CUBN: variants seen among roughly 807,000 people sequenced by gnomAD.
CUBN encodes the protein cubilin, also known as 460 kDa receptor.
In CUBN, 282 loss-of-function variants were observed where a neutral mutation model predicts 405.3. The ratio of observed to expected loss-of-function variants is 0.70; its 90% CI spans 0.63 to 0.77. The LOEUF (loss-of-function observed/expected upper bound fraction) is 0.77. Ranked by LOEUF, CUBN falls within the 30% of genes least tolerant of loss-of-function variation. The pLI is 0.00. For synonymous variants in CUBN, 1,684 were observed against 1,617.0 expected (o/e 1.04, Z -0.99); for missense variants, 4,514 against 4,475.2 (o/e 1.01, Z -0.25).
Position 16,839,094 on chromosome 10 carries a change from G to C in CUBN, c.10032+1236C>G, listed in dbSNP as rs146559233. ...CCACTAACTAGAGGTATTTCTCCAAGCATGGTCCATGGAGTTCTGGTACTG... is the reference window on the plus strand; with the variant it reads ...CCACTAACTAGAGGTATTTCTCCAACCATGGTCCATGGAGTTCTGGTACTG... On this transcript the variant is annotated intron_variant, in intron 62 of 66. Transcript: ENST00000377833. 3.5e-3 allele frequency among the ~76,000 whole-genome samples: 529 copies of C among 152,250 alleles called. 7 individuals carry two copies. Among genetic ancestry groups the C allele is most frequent in the African/African-American group, 0.012 (496 of 41,560 alleles).
chr10:16,926,918 A>G (rs1276715), intron 41 of CUBN, among the ~76,000 whole-genome samples: 111,339 of 151,298 alleles, frequency 0.74, 41,204 homozygotes, highest in East Asian at 0.94. Context: ...ATTTTAGTGC[A>G]CTGGTTCCCT....
chr10:16,853,322 A>G (rs1344158649), intron 59 of CUBN, among the ~76,000 whole-genome samples: 10 of 152,342 alleles, frequency 6.6e-5, no homozygotes, highest in African/African-American at 2.4e-4. Flanking sequence ...GCTAGTTCCA[A>G]AGTTAAACTT....
At chr10:17,119,602 G>C (rs1408714839) in intron 6 of CUBN, among the ~76,000 whole-genome samples, 5 of 152,142 alleles carry the variant, frequency 3.3e-5, no homozygotes, top group African/African-American at 1.2e-4. Context: ...AGAGGTTGCA[G>C]CAATTGCACT....
At chr10:16,892,016 T>C (rs1220035385) in intron 54 of CUBN, among the ~76,000 whole-genome samples, 1 of 152,174 alleles carries the variant, frequency 6.6e-6, no homozygotes, top group Admixed American at 6.5e-5. Context: ...AAATTACTCA[T>C]TCCAAACACA....
chr10:17,109,730 GGT>G lies in CUBN; in HGVS notation c.1019_1020del (p.Tyr340SerfsTer3). On this transcript the variant is annotated frameshift_variant, in exon 10 of 67. Coordinates refer to ENST00000377833, the MANE Select transcript of CUBN (RefSeq NM_001081.4). LOFTEE classifies it high-confidence loss of function. ...AGTGTGCACACTCTTCCGTCACCCT[GGT>G]ACCCTGATGAGAACAAGAGCCAGGT... ...SSHCQACPPGYQGDGRVCTLT... is the reference protein window; with the variant it reads ...SSHCQACPPGXQGDGRVCTLT... The G allele has an allele frequency of 6.2e-7, 1 of 1,613,178 alleles. No individual in the cohort carries two copies. The highest frequency in any genetic ancestry group is 8.5e-7 in the Non-Finnish European group (1 of 1,179,558).
At chr10:16,842,369 C>T (rs570446161) in intron 60 of CUBN, among the ~76,000 whole-genome samples, 14 of 152,258 alleles carry the variant, frequency 9.2e-5, no homozygotes, top group Admixed American at 3.9e-4. Flanking sequence ...AGTGTCTGCA[C>T]GTGAGAGGCT....
intron 27 of CUBN, among the ~76,000 whole-genome samples, chr10:17,038,535 C>T (rs1264371359): frequency 6.6e-6 from 1 of 152,180 alleles, no homozygotes; most frequent in African/African-American, 2.4e-5. Flanking sequence ...GTCTGACCAG[C>T]ACGTAATTAA....
intron 63 of CUBN, 140 bp downstream of exon 63, chr10:16,836,095 A>G (rs1839159792): frequency 4.9e-6 from 4 of 811,284 alleles, no homozygotes; most frequent in Non-Finnish European, 8.2e-6. Context: ...GCTGGGTTCT[A>G]GTTAAGAGAG....
intron 40 of CUBN, 39 bp from the exon 41 acceptor site, chr10:16,928,342 T>C (rs1842257629): frequency 6.2e-7 from 1 of 1,608,452 alleles, no homozygotes; most frequent in South Asian, 1.1e-5. Flanking sequence ...AAATACATCT[T>C]GAGAATCTAC....
intron 22 of CUBN, among the ~76,000 whole-genome samples, chr10:17,064,609 A>G (rs761791815): frequency 1.3e-5 from 2 of 152,148 alleles, no homozygotes; most frequent in Non-Finnish European, 2.9e-5. Flanking sequence ...CTTTAATACA[A>G]TGATGCAAAA....
At chr10:16,990,273 A>G in intron 29 of CUBN, 61 bp downstream of exon 29, 1 of 1,476,494 alleles carries the variant, frequency 6.8e-7, no homozygotes, top group Non-Finnish European at 9.5e-7. Context: ...ATCTTGGCAG[A>G]GTGATTTCCT....
intron 58 of CUBN, among the ~76,000 whole-genome samples, chr10:16,871,232 G>C (rs1202451950): frequency 6.6e-6 from 1 of 151,194 alleles, no homozygotes; most frequent in Non-Finnish European, 1.5e-5. Context: ...GTAGAGATGA[G>C]GTTTCTGCCA....
In CUBN at chr10:17,129,118, T is replaced by C. The variant is rs778422891; in HGVS notation, c.252+3A>G. ...TGACTTCAATATATTTCCAGTGTAT[T>C]ACCTGATGTAAACACTCACTGAGAT... is the stretch of plus-strand genomic sequence containing the variant. On this transcript the variant is annotated splice_donor_region_variant and intron_variant, in intron 2 of 66. Transcript: ENST00000377833. 1.2e-6 allele frequency: 2 copies of C among 1,610,036 alleles called. No homozygotes were observed. Among genetic ancestry groups the C allele is most frequent in the Non-Finnish European group, 1.7e-6 (2 of 1,176,530 alleles).
chr10:16,904,007 C>T lies in CUBN; in HGVS notation c.8021G>A (p.Arg2674His), dbSNP rs184746130. The change falls in exon 51 of 67, where the codon CGT (arginine) becomes CAT (histidine). Residue 2674 changes from arginine to histidine, a missense_variant. Around this residue, in one of 5 missense-constraint regions of CUBN, gnomAD observed 1,186 missense variants for 1,186.9 expected, o/e 1.00. Transcript: ENST00000377833. ...QVWIHFVTNE[R>H]VEHIGFHAKY... Reference sequence around the variant, plus strand: ...TGCATGGAATCCAATGTGTTCTACACGTTCGTTGGTGACAAAGTGAATCCA... The same window carrying T: ...TGCATGGAATCCAATGTGTTCTACATGTTCGTTGGTGACAAAGTGAATCCA... The T allele has an allele frequency of 4.3e-5, 69 of 1,613,232 alleles. No homozygotes were observed. The highest frequency in any genetic ancestry group is 2.8e-4 in the African/African-American group (21 of 75,006).
Position 16,939,218 on chromosome 10 carries a change from A to G in CUBN, c.5549-71T>C, listed in dbSNP as rs533075748. The G allele has an allele frequency of 7.3e-4, 901 of 1,226,154 alleles. 9 individuals are homozygous for G. Among genetic ancestry groups the G allele is most frequent in the South Asian group, 5.1e-3 (419 of 82,736 alleles). The allele number at this position is 1,226,154 out of a possible 1,614,324, so 76.0% of individuals were successfully genotyped here. A position where few individuals can be genotyped will look rare whatever the true frequency, so the allele number is the denominator to read the frequency against. ...TCTTTAATCAAATGAAAAAAACAAA[A>G]GGCAAAGGGTGTTGAAAAGGATGGA... On this transcript the variant is annotated intron_variant, in intron 37 of 66. Transcript: ENST00000377833.
chr10:17,036,505 C>G (rs765346253), intron 27 of CUBN, among the ~76,000 whole-genome samples: 1 of 152,088 alleles, frequency 6.6e-6, no homozygotes, highest in African/African-American at 2.4e-5. Context: ...AAGTAACCAG[C>G]CTGTCACATG....
chr10:16,945,767 CAAAAAA>C (rs61141075), intron 36 of CUBN, among the ~76,000 whole-genome samples: 1 of 81,386 alleles, frequency 1.2e-5, no homozygotes, highest in East Asian at 3.4e-4. Context: ...ACTGTGTCTC[CAAAAAA>C]AAAAAAAAAA....
At chr10:16,909,227 G>A (rs947894550) in intron 48 of CUBN, among the ~76,000 whole-genome samples, 7 of 152,132 alleles carry the variant, frequency 4.6e-5, no homozygotes, top group African/African-American at 1.7e-4. Context: ...ATCAAATTTA[G>A]CTCTCTGGGG....
At chr10:16,969,597 C>T (rs1247313325) in intron 31 of CUBN, among the ~76,000 whole-genome samples, 1 of 152,196 alleles carries the variant, frequency 6.6e-6, no homozygotes, top group Non-Finnish European at 1.5e-5. Flanking sequence ...TCATGATCCG[C>T]CTGCCTTGGC....
Sources: gnomAD v4.1 joint callset for allele counts (sites outside exome capture counted in the v4.1 genomes callset) on GRCh38, gnomAD v4.1.1 for gene constraint, gnomAD v4.1.1 regional missense constraint, MANE v1.5 for transcripts, NCBI Gene and HGNC (gene_info 2026-07-23, HGNC 2026-07-21) for gene names.